SORT1: variants seen among roughly 807,000 people sequenced by gnomAD.
The protein encoded by SORT1 is sortilin.
A neutral mutation model predicts 101.7 loss-of-function variants in SORT1; 39 were observed. The observed-to-expected ratio is 0.38, with a 90% CI of 0.30 to 0.50. The LOEUF (loss-of-function observed/expected upper bound fraction) is 0.50, where lower values mean the gene tolerates loss of function less well. Among genes scored for constraint, SORT1 ranks in the 20% least tolerant of loss-of-function variants. The pLI, the probability that SORT1 is intolerant of heterozygous loss-of-function variation, is 0.90. For synonymous variants in SORT1, 396 were observed against 393.7 expected (o/e 1.01, Z -0.07); for missense variants, 878 against 1,040.4 (o/e 0.84, Z 2.15).
At chr1:109,359,307 G>A (rs984516775) in intron 3 of SORT1, among the ~76,000 whole-genome samples, 25 of 152,012 alleles carry the variant, frequency 1.6e-4, no homozygotes, top group African/African-American at 5.1e-4. Context: ...ATCACTTACC[G>A]AAGGTCCCAC....
intron 3 of SORT1, among the ~76,000 whole-genome samples, chr1:109,359,114 G>T (rs946400232): frequency 2.0e-5 from 3 of 152,122 alleles, no homozygotes; most frequent in African/African-American, 7.2e-5. Context: ...CACTGTTCTG[G>T]AGGCTGAGAA....
At chr1:109,361,396 T>C (rs1650713216) in intron 3 of SORT1, among the ~76,000 whole-genome samples, 1 of 152,216 alleles carries the variant, frequency 6.6e-6, no homozygotes, top group Admixed American at 6.5e-5. Context: ...CATAATGGCC[T>C]TTGTGGTCCA....
At position 109,313,747 on chromosome 1, in the gene SORT1, C is replaced by A; in HGVS notation, c.*296G>T. The A allele has an allele frequency of 2.5e-6, 1 of 392,660 alleles. No individual in the cohort carries two copies. The highest frequency in any genetic ancestry group is 4.4e-6 in the Non-Finnish European group (1 of 229,224). The allele number at this position is 392,660 out of a possible 1,614,324, so 24.3% of individuals were successfully genotyped here. On this transcript the variant is annotated 3_prime_UTR_variant, in exon 20 of 20. Coordinates refer to ENST00000256637, the MANE Select transcript of SORT1 (RefSeq NM_002959.7). The stretch of plus-strand genomic sequence containing the variant: ...TCCCTTCGAATTCCATTTCGTTTCC[C>A]TTAAAAAACAAAAACAAAAAAGCCC...
intron 3 of SORT1, among the ~76,000 whole-genome samples, chr1:109,362,686 C>T (rs1486948078): frequency 1.3e-5 from 2 of 151,762 alleles, no homozygotes; most frequent in Non-Finnish European, 2.9e-5. Flanking sequence ...TCAGAAGGAA[C>T]ATGAATATGT....
chr1:109,393,753 CTAA>C (rs1653039093), intron 1 of SORT1, among the ~76,000 whole-genome samples: 1 of 152,042 alleles, frequency 6.6e-6, no homozygotes, highest in Admixed American at 6.6e-5. Flanking sequence ...AGACATTCTT[CTAA>C]TGAGTTATTA....
chr1:109,326,982 T>G lies in SORT1; in HGVS notation c.1643+10A>C. On this transcript the variant is annotated intron_variant, in intron 13 of 19. Coordinates refer to ENST00000256637, the MANE Select transcript of SORT1 (RefSeq NM_002959.7). ...TGCAGACAGTGTGTGTGAGATGAGT[T>G]CATGCATACTTAATCACATTGATAG... 1 of 1,606,724 alleles carries G rather than the reference T, an allele frequency of 6.2e-7. No homozygotes were observed. Among genetic ancestry groups the G allele is most frequent in the Non-Finnish European group, 8.5e-7 (1 of 1,175,978 alleles).
At chr1:109,391,415 T>C (rs182670313) in intron 1 of SORT1, among the ~76,000 whole-genome samples, 11 of 152,316 alleles carry the variant, frequency 7.2e-5, no homozygotes, top group East Asian at 1.9e-4. Flanking sequence ...ATATGAATCA[T>C]AGAATTTTTG....
chr1:109,390,781 G>A (rs922353079), intron 1 of SORT1, among the ~76,000 whole-genome samples: 129 of 138,026 alleles, frequency 9.3e-4, no homozygotes, highest in African/African-American at 3.6e-3. Context: ...ATGTGTGTGT[G>A]TGTGTGTGTG....
At chr1:109,360,192 G>A (rs1245834218) in intron 3 of SORT1, among the ~76,000 whole-genome samples, 2 of 152,110 alleles carry the variant, frequency 1.3e-5, no homozygotes, top group Non-Finnish European at 2.9e-5. Flanking sequence ...AAATTTAGTT[G>A]AGCATGGTGG....
intron 3 of SORT1, among the ~76,000 whole-genome samples, chr1:109,358,944 C>A (rs188468329): frequency 2.0e-5 from 3 of 151,758 alleles, no homozygotes; most frequent in African/African-American, 7.2e-5. Flanking sequence ...AATAAATGAT[C>A]ATTTTTGCAT....
chr1:109,350,104 G>A (rs563658588), intron 6 of SORT1, among the ~76,000 whole-genome samples: 117 of 152,256 alleles, frequency 7.7e-4, no homozygotes, highest in South Asian at 2.3e-3. Context: ...GCTGTTACGT[G>A]CTTATTGCAG....
Position 109,314,293 on chromosome 1 carries a change from TAGTGTGGGA to T in SORT1, c.2440_2448del (p.Ser814_Thr816del). ...GAGTCATCATGATAACCACTTTTAT[TAGTGTGGGA>T]GGCTGTGTCCAAAGCATCCACACCA... is the stretch of plus-strand genomic sequence containing the variant. On this transcript the variant is annotated inframe_deletion, in exon 19 of 20. Coordinates refer to ENST00000256637, the MANE Select transcript of SORT1 (RefSeq NM_002959.7). 1 of 1,614,018 alleles carries T rather than the reference TAGTGTGGGA, an allele frequency of 6.2e-7. No individual in the cohort carries two copies. Among genetic ancestry groups the T allele is most frequent in the Non-Finnish European group, 8.5e-7 (1 of 1,179,956 alleles).
At chr1:109,371,056 A>C (rs1040247664) in intron 1 of SORT1, among the ~76,000 whole-genome samples, 4 of 152,238 alleles carry the variant, frequency 2.6e-5, no homozygotes, top group Non-Finnish European at 5.9e-5. Flanking sequence ...GACCGTAAGT[A>C]CCTTTGATGT....
At chr1:109,330,180 T>C (rs1648367622) in intron 11 of SORT1, among the ~76,000 whole-genome samples, 1 of 152,102 alleles carries the variant, frequency 6.6e-6, no homozygotes, top group Non-Finnish European at 1.5e-5. Context: ...TTTTTTTGTA[T>C]TTTTAGTAGA....
chr1:109,397,789 T>A lies in SORT1; in HGVS notation c.104A>T (p.Asp35Val). 3 of 1,250,850 alleles carry A rather than the reference T, an allele frequency of 2.4e-6. No individual in the cohort carries two copies. The highest frequency in any genetic ancestry group is 3.0e-6 in the Non-Finnish European group (3 of 991,496). 77.5% of individuals were successfully genotyped at this position (1,250,850 alleles called of 1,614,324 possible). A position where few individuals can be genotyped will look rare whatever the true frequency, so the allele number is the denominator to read the frequency against. The change falls in exon 1 of 20, where the codon GAC (aspartate) becomes GTC (valine). Residue 35 changes from aspartate to valine, a missense_variant. Transcript: ENST00000256637. ...GGGCGGCGGCGGCGCGTCCAGCCGG[T>A]CCTGGCTGAGGGTCGACGGCGGCAG... ...QLLPPSTLSQ[D>V]RLDAPPPPAA...
At chr1:109,326,482 CACATATATAT>C (rs1648060193) in intron 13 of SORT1, among the ~76,000 whole-genome samples, 2 of 109,612 alleles carry the variant, frequency 1.8e-5, no homozygotes, top group Non-Finnish European at 3.6e-5. Context: ...CACACACACA[CACATATATAT>C]ACACACATAT....
chr1:109,332,529 C>T (rs1376802328), intron 11 of SORT1, among the ~76,000 whole-genome samples: 1 of 152,064 alleles, frequency 6.6e-6, no homozygotes, highest in Non-Finnish European at 1.5e-5. Flanking sequence ...ATGATTATTC[C>T]ACTGGACCCC....
At chr1:109,369,381 TC>T in intron 2 of SORT1, 148 bp downstream of exon 2, 1 of 599,528 alleles carries the variant, frequency 1.7e-6, no homozygotes, top group South Asian at 2.1e-5. Context: ...AACTACAACT[TC>T]CTGAAAGTCT....
chr1:109,340,758 G>A lies in SORT1; in HGVS notation c.1230C>T (p.Leu410=). ...GCACGCTTGTTATGTAGACGCCGCG[G>A]AGGGAGGTCACGTTGGTAAAGTCCG... ...GETDFTNVTS[L]RGVYITSVLS... is the part of the protein sequence containing the mutation. Residue 410 remains leucine, a synonymous_variant, in exon 10 of 20, where the codon CTC becomes CTT. Transcript: ENST00000256637. 6.2e-7 allele frequency: 1 copy of A among 1,614,158 alleles called. No individual in the cohort carries two copies. Among genetic ancestry groups the A allele is most frequent in the Non-Finnish European group, 8.5e-7 (1 of 1,180,030 alleles).
Sources: gnomAD v4.1 joint callset for allele counts (sites outside exome capture counted in the v4.1 genomes callset) on GRCh38, gnomAD v4.1.1 for gene constraint, MANE v1.5 for transcripts, NCBI Gene and HGNC (gene_info 2026-07-23, HGNC 2026-07-21) for gene names.